Variants in NELL2 observed in about 807,000 individuals in gnomAD.
NELL2 encodes the protein neural EGFL like 2, also known as protein kinase C-binding protein NELL2.
Under a neutral mutation model 109.6 loss-of-function variants are expected in NELL2, and 41 were observed. The observed-to-expected ratio is 0.37, with a 90% CI of 0.29 to 0.49. The LOEUF (loss-of-function observed/expected upper bound fraction) is 0.49, where lower values mean the gene tolerates loss of function less well. NELL2 is among the 20% of genes least tolerant of loss of function. The probability of loss-of-function intolerance (pLI) is 0.98; values close to 1 mark genes in which losing one functional copy is unlikely to be tolerated. For synonymous variants in NELL2, 355 were observed against 344.7 expected (o/e 1.03, Z -0.33); for missense variants, 900 against 1,008.3 (o/e 0.89, Z 1.45).
intron 9 of NELL2, among the ~76,000 whole-genome samples, chr12:44,768,440 G>GCTCATTAT (rs1941420257): frequency 1.3e-5 from 2 of 151,962 alleles, no homozygotes; most frequent in South Asian, 4.2e-4. Context: ...CCTATCAGAA[G>GCTCATTAT]CTCATTATCT....
At chr12:44,587,307 A>ATATATATAT (rs1302978950) in intron 15 of NELL2, among the ~76,000 whole-genome samples, 1 of 96,642 alleles carries the variant, frequency 1.0e-5, no homozygotes, top group African/African-American at 4.2e-5. Flanking sequence ...ATATATATAT[A>ATATATATAT]TTTTTTTTTA....
intron 2 of NELL2, among the ~76,000 whole-genome samples, chr12:44,834,683 T>C (rs149156999): frequency 0.011 from 1,626 of 152,140 alleles, 25 homozygotes; most frequent in African/African-American, 0.037. Context: ...CGCTCGGGCC[T>C]CACCCCGCAT....
chr12:44,542,051 A>G (rs1002668771), intron 15 of NELL2, among the ~76,000 whole-genome samples: 2 of 152,198 alleles, frequency 1.3e-5, no homozygotes, highest in African/African-American at 4.8e-5. Flanking sequence ...TTTCACAACA[A>G]CAAGGATAAC....
rs1012088159 is a variant in NELL2 at position 44,571,020 on chromosome 12, T to C, written c.1663+36149A>G. On this transcript the variant is annotated intron_variant, in intron 15 of 19. Coordinates refer to ENST00000429094, the MANE Select transcript of NELL2 (RefSeq NM_001145108.2). ...AGGAATCAAGGTCAGAACAACCCTA[T>C]TGTGCTTTGTTAATAGGCTCGAAGC... 4.6e-5 allele frequency among the ~76,000 whole-genome samples: 7 copies of C among 152,302 alleles called. No homozygotes were observed. In the East Asian group the frequency reaches 5.8e-4, roughly 13 times the overall value.
At chr12:44,904,882 G>GA (rs1041596642) in intron 1 of NELL2, among the ~76,000 whole-genome samples, 19 of 151,484 alleles carry the variant, frequency 1.3e-4, no homozygotes, top group Admixed American at 5.9e-4. Context: ...ATTACATTTT[G>GA]AAAAAAAAGT....
intron 12 of NELL2, among the ~76,000 whole-genome samples, chr12:44,685,229 A>C (rs895737316): frequency 1.3e-5 from 2 of 152,030 alleles, no homozygotes; most frequent in Non-Finnish European, 2.9e-5. Flanking sequence ...AGAGACTAGG[A>C]TTGCAACCCC....
chr12:44,711,337 A>T lies in NELL2; in HGVS notation c.1144T>A (p.Ser382Thr). ...SGCPALDCPE[S>T]HQITLSHSCC... Reference sequence around the variant, plus strand: ...CTGTGAGACAAGGTTATCTGATGAGACTCTGGACAATCCAAAGCTGGACAG... The same window carrying T: ...CTGTGAGACAAGGTTATCTGATGAGTCTCTGGACAATCCAAAGCTGGACAG... The change falls in exon 11 of 20, where the codon TCT (serine) becomes ACT (threonine). Residue 382 changes from serine (S) to threonine (T), a missense_variant. Ser to Thr is a moderately conservative substitution (Grantham distance 58). Around this residue, in one of 4 missense-constraint regions of NELL2, gnomAD observed 292 missense variants for 265.3 expected, o/e 1.10. Transcript: ENST00000429094. 1 of 1,612,618 alleles carries T rather than the reference A, an allele frequency of 6.2e-7. No homozygotes were observed. Among genetic ancestry groups the T allele is most frequent in the Non-Finnish European group, 8.5e-7 (1 of 1,178,972 alleles).
intron 13 of NELL2, among the ~76,000 whole-genome samples, chr12:44,653,345 A>G (rs1482986027): frequency 1.3e-5 from 2 of 152,226 alleles, no homozygotes; most frequent in Non-Finnish European, 2.9e-5. Context: ...CAACTAGTGG[A>G]TAGTAGAAGA....
At chr12:44,780,511 G>T (rs1941917922) in intron 3 of NELL2, among the ~76,000 whole-genome samples, 1 of 151,760 alleles carries the variant, frequency 6.6e-6, no homozygotes, top group South Asian at 2.1e-4. Context: ...CAGAAATGAG[G>T]CATGTAACAC....
At chr12:44,527,133 A>AT (rs1186650612) in intron 16 of NELL2, among the ~76,000 whole-genome samples, 4 of 152,148 alleles carry the variant, frequency 2.6e-5, no homozygotes, top group Admixed American at 6.5e-5. Context: ...TGACATTTAT[A>AT]TTTTTTCTCA....
At chr12:44,628,815 G>A (rs1425983131) in intron 13 of NELL2, among the ~76,000 whole-genome samples, 1 of 152,156 alleles carries the variant, frequency 6.6e-6, no homozygotes, top group Non-Finnish European at 1.5e-5. Flanking sequence ...GCCGTATCAG[G>A]TGTGCCCACC....
At chr12:44,695,653 A>T (rs1036507399) in intron 12 of NELL2, among the ~76,000 whole-genome samples, 2 of 152,030 alleles carry the variant, frequency 1.3e-5, no homozygotes, top group African/African-American at 4.8e-5. Flanking sequence ...ATGAATTTGA[A>T]CCCCAAATTT....
chr12:44,886,874 A>T (rs1566594228), intron 1 of NELL2, among the ~76,000 whole-genome samples: 1 of 150,468 alleles, frequency 6.6e-6, no homozygotes, highest in Non-Finnish European at 1.5e-5. Context: ...TATGAGATCT[A>T]TTTTTTTTTA....
In NELL2 at chr12:44,523,273, T is replaced by C. The variant is rs1262821878; in HGVS notation, c.1998+18A>G. Reference sequence around the variant, plus strand: ...TACAACTGAATAAAATTAATTAAAGTTTTTCATTTATACCAACCTGACATG... The same window carrying C: ...TACAACTGAATAAAATTAATTAAAGCTTTTCATTTATACCAACCTGACATG... On this transcript the variant is annotated intron_variant, in intron 17 of 19. Transcript: ENST00000429094. 6.2e-7 allele frequency: 1 copy of C among 1,613,520 alleles called. No individual in the cohort carries two copies. The highest frequency in any genetic ancestry group is 2.2e-5 in the East Asian group (1 of 44,874).
chr12:44,520,338 T>C (rs966117352), intron 18 of NELL2, 109 bp from the exon 19 acceptor site: 92 of 788,878 alleles, frequency 1.2e-4, no homozygotes, highest in African/African-American at 5.8e-4. Context: ...AATTATTTGA[T>C]TGATATTTAA....
At chr12:44,855,023 C>T (rs1413065319) in intron 2 of NELL2, among the ~76,000 whole-genome samples, 1 of 152,098 alleles carries the variant, frequency 6.6e-6, no homozygotes, top group Admixed American at 6.6e-5. Flanking sequence ...ATTTCTTTAA[C>T]CCACTATCCA....
chr12:44,646,525 A>G (rs1022039151), intron 13 of NELL2, among the ~76,000 whole-genome samples: 1 of 152,234 alleles, frequency 6.6e-6, no homozygotes, highest in Non-Finnish European at 1.5e-5. Context: ...ATTAGTGACA[A>G]TAATGAAATA....
intron 16 of NELL2, among the ~76,000 whole-genome samples, chr12:44,525,301 G>A (rs1941713535): frequency 2.0e-5 from 3 of 152,300 alleles, no homozygotes; most frequent in Admixed American, 1.3e-4. Flanking sequence ...GGCACAAGAC[G>A]AATATGTATA....
chr12:44,727,222 A>T (rs908910286), intron 9 of NELL2, among the ~76,000 whole-genome samples: 3 of 152,126 alleles, frequency 2.0e-5, no homozygotes, highest in African/African-American at 7.2e-5. Flanking sequence ...ATCCAAACAA[A>T]CTAAATCAAA....
Sources: allele counts gnomAD v4.1 joint callset (sites outside exome capture counted in the v4.1 genomes callset), GRCh38; gene constraint gnomAD v4.1.1; regional missense constraint gnomAD v4.1.1; transcripts MANE v1.5; gene names NCBI Gene and HGNC (gene_info 2026-07-23, HGNC 2026-07-21).